BRWD3: variants seen among roughly 807,000 people sequenced by gnomAD.
The protein encoded by BRWD3 is bromodomain and WD repeat domain containing 3.
In BRWD3, 10 loss-of-function variants were observed where a neutral mutation model predicts 149.7. The observed-to-expected ratio is 0.07, with a 90% confidence interval of 0.04 to 0.11. The LOEUF (loss-of-function observed/expected upper bound fraction) is 0.11. Among genes scored for constraint, BRWD3 ranks in the 10% least tolerant of loss-of-function variants. The probability of loss-of-function intolerance (pLI) is 1.00; values close to 1 mark genes in which losing one functional copy is unlikely to be tolerated. For missense variants in BRWD3, 940 were observed against 1,373.2 expected, an observed-to-expected ratio of 0.68 and a Z score of 4.99; for synonymous variants, 504 against 456.7, an observed-to-expected ratio of 1.10 and a Z score of -1.32.
chrX:80,715,903 A>G (rs1243722116), intron 20 of BRWD3, among the ~76,000 whole-genome samples: 1 of 111,831 alleles, frequency 8.9e-6, no homozygotes, highest in Non-Finnish European at 1.9e-5. Flanking sequence ...GATCATATAA[A>G]AATGGTTATT....
chrX:80,748,614 C>A (rs2073625264), intron 6 of BRWD3, among the ~76,000 whole-genome samples: 1 of 111,252 alleles, frequency 9.0e-6, no homozygotes, highest in African/African-American at 3.3e-5. Flanking sequence ...GATTCTGAGT[C>A]TTTTCTTTTG....
chrX:80,723,458 T>G (rs930565971), intron 16 of BRWD3, among the ~76,000 whole-genome samples: 10 of 110,902 alleles, frequency 9.0e-5, no homozygotes, highest in Non-Finnish European at 1.9e-4. Context: ...TGTGTTAGAA[T>G]TACTCTCCTA....
At chrX:80,694,896 T>G (rs2072661963) in intron 27 of BRWD3, among the ~76,000 whole-genome samples, 1 of 110,865 alleles carries the variant, frequency 9.0e-6, no homozygotes, top group South Asian at 3.9e-4. Context: ...AGTTAAGACT[T>G]TGGGGGACTG....
intron 8 of BRWD3, among the ~76,000 whole-genome samples, chrX:80,742,505 G>A (rs1479131952): frequency 3.7e-5 from 4 of 109,117 alleles, no homozygotes; most frequent in African/African-American, 1.4e-4. Flanking sequence ...CCATTTTCAC[G>A]ATACTGATTC....
chrX:80,697,583 T>C (rs1188475359), intron 25 of BRWD3, among the ~76,000 whole-genome samples: 1 of 111,753 alleles, frequency 8.9e-6, no homozygotes, highest in Non-Finnish European at 1.9e-5. Flanking sequence ...TATTTGACTT[T>C]CTGTTTTTCA....
rs1311551370 is a variant in BRWD3 at position 80,729,384 on chromosome X, T to C, written c.1233-479A>G. ...AAAGTCATTTCTATATTGCAACTAA[T>C]GGAAAGATAGTTGATTTCAGGACCA... On this transcript the variant is annotated intron_variant, in intron 13 of 40. Transcript: ENST00000373275. Among the ~76,000 whole-genome samples, 4 of 111,415 alleles carry C rather than the reference T, an allele frequency of 3.6e-5. No individual in the cohort carries two copies. The Admixed American group carries it at 3.8e-4, about 11-fold the overall frequency.
intron 14 of BRWD3, among the ~76,000 whole-genome samples, chrX:80,727,452 G>A (rs2073267627): frequency 1.8e-5 from 2 of 110,390 alleles, no homozygotes; most frequent in Admixed American, 9.7e-5. Flanking sequence ...TAGCTAAATT[G>A]GCTTTCTTTC....
intron 17 of BRWD3, 148 bp from the exon 18 acceptor site, chrX:80,719,804 A>G: frequency 1.8e-6 from 1 of 567,754 alleles, no homozygotes; most frequent in Middle Eastern, 3.9e-4. Flanking sequence ...ACATTTGTAA[A>G]TATTTTTGAT....
chrX:80,725,990 T>C (rs1336036167), intron 14 of BRWD3, among the ~76,000 whole-genome samples: 2 of 99,585 alleles, frequency 2.0e-5, no homozygotes, highest in East Asian at 3.2e-4. Flanking sequence ...TATGTCTATA[T>C]AACATAACAT....
At chrX:80,798,778 G>T (rs1360083628) in intron 4 of BRWD3, among the ~76,000 whole-genome samples, 1 of 111,641 alleles carries the variant, frequency 9.0e-6, no homozygotes, top group Non-Finnish European at 1.9e-5. Context: ...ACCAAAAAAG[G>T]TTTTTGTTAA....
intron 6 of BRWD3, among the ~76,000 whole-genome samples, chrX:80,777,738 C>A (rs1311640281): frequency 4.5e-5 from 5 of 111,323 alleles, no homozygotes; most frequent in Admixed American, 3.8e-4. Context: ...AACTCTTGGG[C>A]AATTTTATCT....
At chrX:80,738,038 A>G (rs1469996202) in intron 8 of BRWD3, among the ~76,000 whole-genome samples, 3 of 112,405 alleles carry the variant, frequency 2.7e-5, no homozygotes, top group South Asian at 3.6e-4. Context: ...AAGCCTAAAT[A>G]TTTACTATCT....
intron 8 of BRWD3, 108 bp downstream of exon 8, chrX:80,743,924 T>C (rs2073555804): frequency 1.5e-6 from 1 of 674,519 alleles, no homozygotes; most frequent in African/African-American, 2.2e-5. Flanking sequence ...GAAGAGAGCA[T>C]TTTTCTCTTG....
rs1448213575 is a variant in BRWD3, at chrX:80,684,127, G to A, written c.4116C>T (p.Phe1372=). The change falls in exon 37 of 41, where the codon TTC becomes TTT. Residue 1372 remains phenylalanine, a synonymous_variant. Coordinates refer to ENST00000373275, the MANE Select transcript of BRWD3 (RefSeq NM_153252.5). ...CTTCCAAAGTTTCTTTCACAGTGCT[G>A]AAGTCCACAGGAGTATCTATAACAT... ...YQDVIDTPVD[F]STVKETLEAG... is the part of the protein sequence containing the mutation. The A allele has an allele frequency of 1.7e-6, 2 of 1,204,500 alleles. No individual in the cohort carries two copies. The highest frequency in any genetic ancestry group is 2.2e-6 in the Non-Finnish European group (2 of 889,419).
intron 6 of BRWD3, among the ~76,000 whole-genome samples, chrX:80,764,679 G>T (rs1296817275): frequency 9.1e-6 from 1 of 110,018 alleles, no homozygotes; most frequent in Non-Finnish European, 1.9e-5. Flanking sequence ...TGGTAAACAG[G>T]GTGTCATCAA....
At chrX:80,678,601 T>C (rs1178485082) in intron 40 of BRWD3, among the ~76,000 whole-genome samples, 4 of 111,133 alleles carry the variant, frequency 3.6e-5, no homozygotes, top group Admixed American at 2.9e-4. Context: ...CTAGGAGAGC[T>C]CACTGAGTGA....
At chrX:80,774,532 A>T (rs2073980805) in intron 6 of BRWD3, among the ~76,000 whole-genome samples, 1 of 110,840 alleles carries the variant, frequency 9.0e-6, no homozygotes, top group Admixed American at 9.7e-5. Flanking sequence ...GCCAATCTTT[A>T]TCTGTAACCT....
chrX:80,769,888 A>C (rs2073914828), intron 6 of BRWD3, among the ~76,000 whole-genome samples: 1 of 111,674 alleles, frequency 9.0e-6, no homozygotes, highest in Admixed American at 9.5e-5. Context: ...GAAGAATCAA[A>C]TAGATGCAAT....
At chrX:80,754,605 A>G (rs1353358626) in intron 6 of BRWD3, among the ~76,000 whole-genome samples, 1 of 112,323 alleles carries the variant, frequency 8.9e-6, no homozygotes. Context: ...AAATGTTTTC[A>G]GCTTTCCCTC....
Sources: allele counts gnomAD v4.1 joint callset (sites outside exome capture counted in the v4.1 genomes callset), GRCh38; gene constraint gnomAD v4.1.1; transcripts MANE v1.5; gene names NCBI Gene and HGNC (gene_info 2026-07-23, HGNC 2026-07-21).